Variants in SEMA3E observed in about 807,000 individuals in gnomAD.
SEMA3E encodes the protein semaphorin-3E.
A neutral mutation model predicts 93.6 loss-of-function variants in SEMA3E; 49 were observed. The observed-to-expected ratio is 0.52, with a 90% CI of 0.42 to 0.66. The LOEUF is 0.66. Ranked by LOEUF, SEMA3E falls within the 30% of genes least tolerant of loss-of-function variation. SEMA3E has a pLI of 0.00. For missense variants in SEMA3E, 906 were observed against 964.8 expected, an observed-to-expected ratio of 0.94 and a Z score of 0.81; for synonymous variants, 363 against 330.7, an observed-to-expected ratio of 1.10 and a Z score of -1.06.
chr7:83,437,653 T>C (rs1292755485), intron 4 of SEMA3E, among the ~76,000 whole-genome samples: 1 of 152,114 alleles, frequency 6.6e-6, no homozygotes. Flanking sequence ...CATAAATATA[T>C]GAAATGGAAA....
At position 83,610,866 on chromosome 7, in the gene SEMA3E, C is replaced by A. The variant is rs139382604; in HGVS notation, c.115+37562G>T. Among the ~76,000 whole-genome samples the A allele has an allele frequency of 6.0e-3, 914 of 152,106 alleles. 10 individuals carry two copies. The highest frequency in any genetic ancestry group is 0.021 in the African/African-American group (878 of 41,500). ...ACAGCCTCCAAAATTGTGAGAAAAT[C>A]AAATTCAGTTGTTTCAATCAACCCC... On this transcript the variant is annotated intron_variant, in intron 1 of 16. Coordinates refer to ENST00000643230, the MANE Select transcript of SEMA3E (RefSeq NM_012431.3).
At chr7:83,574,321 G>A (rs948123729) in intron 1 of SEMA3E, among the ~76,000 whole-genome samples, 3 of 152,064 alleles carry the variant, frequency 2.0e-5, no homozygotes, top group African/African-American at 4.8e-5. Flanking sequence ...GTATAAATGA[G>A]AATGGGTAAA....
intron 1 of SEMA3E, among the ~76,000 whole-genome samples, chr7:83,555,024 C>T (rs1160574937): frequency 1.4e-5 from 2 of 138,074 alleles, no homozygotes; most frequent in Non-Finnish European, 3.2e-5. Flanking sequence ...AAGACTTGTG[C>T]TTTTCATAGA....
chr7:83,435,423 G>A (rs879294383), intron 4 of SEMA3E, among the ~76,000 whole-genome samples: 16 of 151,892 alleles, frequency 1.1e-4, no homozygotes, highest in South Asian at 2.1e-4. Context: ...GTGAAATCCT[G>A]TCTTTACTAA....
chr7:83,405,835 T>C, intron 8 of SEMA3E, 110 bp downstream of exon 8: 2 of 867,442 alleles, frequency 2.3e-6, no homozygotes, highest in Non-Finnish European at 3.8e-6. Flanking sequence ...TTGCTCTATG[T>C]TAGATAGAGG....
At chr7:83,477,364 T>A (rs895871286) in intron 2 of SEMA3E, among the ~76,000 whole-genome samples, 3 of 152,062 alleles carry the variant, frequency 2.0e-5, no homozygotes, top group African/African-American at 7.2e-5. Flanking sequence ...CCAGTGTCCA[T>A]CAATGTACAT....
chr7:83,558,797 T>C (rs1418029636), intron 1 of SEMA3E, among the ~76,000 whole-genome samples: 1 of 152,072 alleles, frequency 6.6e-6, no homozygotes, highest in Non-Finnish European at 1.5e-5. Context: ...ACTAATAGTG[T>C]GTCATGTCAC....
chr7:83,514,519 CTTGTG>C (rs1037647326), intron 1 of SEMA3E, among the ~76,000 whole-genome samples: 1 of 151,866 alleles, frequency 6.6e-6, no homozygotes, highest in African/African-American at 2.4e-5. Context: ...TAAAAAAGAT[CTTGTG>C]TTGTTGTTGT....
intron 1 of SEMA3E, among the ~76,000 whole-genome samples, chr7:83,639,127 A>C (rs1167007061): frequency 4.3e-5 from 6 of 140,072 alleles, no homozygotes; most frequent in African/African-American, 8.1e-5. Context: ...AAAAAAAAAA[A>C]AAAAAAAAAA....
chr7:83,551,933 T>G (rs536730157), intron 1 of SEMA3E, among the ~76,000 whole-genome samples: 2 of 151,908 alleles, frequency 1.3e-5, no homozygotes, highest in Admixed American at 6.6e-5. Flanking sequence ...TTGCCACTAT[T>G]AGACGCACTC....
chr7:83,371,432 TAG>T (rs1276798208), intron 16 of SEMA3E: 1 of 152,130 alleles, frequency 6.6e-6, no homozygotes, highest in Non-Finnish European at 1.5e-5. Context: ...CTTACAACCA[TAG>T]AGATACATAT....
chr7:83,405,808 A>AG, intron 8 of SEMA3E, 137 bp downstream of exon 8: 1 of 754,852 alleles, frequency 1.3e-6, no homozygotes, highest in African/African-American at 1.8e-5. Flanking sequence ...CCTGGCCAAA[A>AG]TGAAAAGAAC....
chr7:83,481,238 A>G (rs986927083), intron 2 of SEMA3E, among the ~76,000 whole-genome samples: 4 of 152,162 alleles, frequency 2.6e-5, no homozygotes, highest in African/African-American at 4.8e-5. Flanking sequence ...TTCTATCCAT[A>G]CAAGATCCTG....
chr7:83,545,829 A>AAT (rs1554336894), intron 1 of SEMA3E, among the ~76,000 whole-genome samples: 2 of 146,988 alleles, frequency 1.4e-5, no homozygotes, highest in African/African-American at 5.0e-5. Flanking sequence ...ATATATATAT[A>AAT]ATATATATCT....
chr7:83,566,677 T>C (rs937890288), intron 1 of SEMA3E, among the ~76,000 whole-genome samples: 7 of 152,172 alleles, frequency 4.6e-5, no homozygotes, highest in Admixed American at 1.3e-4. Flanking sequence ...TAACATGTTT[T>C]GAAAAATTAC....
chr7:83,616,958 C>T (rs1164569986), intron 1 of SEMA3E, among the ~76,000 whole-genome samples: 2 of 152,142 alleles, frequency 1.3e-5, no homozygotes, highest in Non-Finnish European at 2.9e-5. Flanking sequence ...CTCCTGAACT[C>T]AGGTGATCCA....
intron 2 of SEMA3E, among the ~76,000 whole-genome samples, chr7:83,488,231 AGAG>A (rs1790306771): frequency 1.3e-5 from 2 of 152,090 alleles, no homozygotes; most frequent in African/African-American, 2.4e-5. Flanking sequence ...AAGAAAGTGA[AGAG>A]GAGAATGAAG....
At chr7:83,559,062 G>A (rs2535384) in intron 1 of SEMA3E, among the ~76,000 whole-genome samples, 39 of 151,958 alleles carry the variant, frequency 2.6e-4, no homozygotes, top group Admixed American at 1.1e-3. Flanking sequence ...TATAAATAAA[G>A]CACCAATAAT....
intron 1 of SEMA3E, among the ~76,000 whole-genome samples, chr7:83,535,082 T>G (rs889846084): frequency 2.6e-5 from 4 of 152,162 alleles, no homozygotes; most frequent in Admixed American, 6.6e-5. Context: ...CAATGGTTGG[T>G]GTTCTCTGTA....
Sources: allele counts gnomAD v4.1 joint callset (sites outside exome capture counted in the v4.1 genomes callset), GRCh38; gene constraint gnomAD v4.1.1; transcripts MANE v1.5; gene names NCBI Gene and HGNC (gene_info 2026-07-23, HGNC 2026-07-21).